The following NFAT5 variants were observed in gnomAD, a reference collection of about 807,000 sequenced individuals.
The protein encoded by NFAT5 is nuclear factor of activated T cells 5, also known as nuclear factor of activated T-cells 5.
In NFAT5, 31 loss-of-function variants were observed where a neutral mutation model predicts 166.5. That is an observed-to-expected ratio of 0.19 (90% CI 0.14 to 0.25). The LOEUF is 0.25. Among genes scored for constraint, NFAT5 ranks in the 10% least tolerant of loss-of-function variants. The pLI is 1.00. For synonymous variants in NFAT5, 612 were observed against 639.7 expected, an observed-to-expected ratio of 0.96 and a Z score of 0.65; for missense variants, 1,449 against 1,821.8, an observed-to-expected ratio of 0.80 and a Z score of 3.72.
In NFAT5 at chr16:69,566,326, C is replaced by T. The variant is rs1025240201; in HGVS notation, c.25C>T (p.Leu9Phe). 1.2e-6 allele frequency: 2 copies of T among 1,608,352 alleles called. No homozygotes were observed. Among genetic ancestry groups the T allele is most frequent in the African/African-American group, 2.7e-5 (2 of 74,740 alleles). ...GATGCCCTCGGACTTCATCTCATTG[C>T]TCAGCGCGGACCTAGACCTGGAATC... MPSDFISL[L>F]SADLDLESPK... The change falls in exon 1 of 15, where the codon CTC (leucine) becomes TTC (phenylalanine). Residue 9 changes from leucine (L) to phenylalanine (F), a missense_variant. Leu to Phe is a conservative substitution (Grantham distance 22). Transcript: ENST00000349945. The surrounding 1 kb of genome is among the most constrained non-coding windows in gnomAD (Gnocchi z 5.7).
chr16:69,655,600 T>G lies in NFAT5; in HGVS notation c.1006-9T>G. On this transcript the variant is annotated splice_polypyrimidine_tract_variant and intron_variant, in intron 5 of 14. Transcript: ENST00000349945. ...ATTAGTGTTTCTGTTGCATGTTTTC[T>G]GGTTTCAGCTGGAAGGCCATAATGA... 1 of 1,548,554 alleles carries G rather than the reference T, an allele frequency of 6.5e-7. No homozygotes were observed. The highest frequency in any genetic ancestry group is 1.3e-5 in the South Asian group (1 of 78,848).
Position 69,701,675 on chromosome 16 carries a change from A to C in NFAT5, c.*5324A>C, listed in dbSNP as rs1227750428. ...CTCATGAGAATTTTAGCATCTGTGAAACTCCATGCACCAGATGTGTGTAAA... is the reference window on the plus strand; with the variant it reads ...CTCATGAGAATTTTAGCATCTGTGACACTCCATGCACCAGATGTGTGTAAA... On this transcript the variant is annotated 3_prime_UTR_variant, in exon 15 of 15. Coordinates refer to ENST00000349945, the MANE Select transcript of NFAT5 (RefSeq NM_138713.4). The C allele has an allele frequency of 1.3e-5, 2 of 152,230 alleles. No individual in the cohort carries two copies. The highest frequency in any genetic ancestry group is 1.3e-4 in the Admixed American group (2 of 15,274). The allele number at this position is 152,230 out of a possible 1,614,324, so 9.4% of individuals were successfully genotyped here. A position where few individuals can be genotyped will look rare whatever the true frequency, so the allele number is the denominator to read the frequency against.
Position 69,704,430 on chromosome 16 carries a change from T to G in NFAT5, c.*8079T>G, listed in dbSNP as rs2037948842. 6.6e-6 allele frequency: 1 copy of G among 152,670 alleles called. No homozygotes were observed. Among genetic ancestry groups the G allele is most frequent in the Non-Finnish European group, 1.5e-5 (1 of 68,046 alleles). 9.5% of individuals were successfully genotyped at this position (152,670 alleles called of 1,614,324 possible). ...CATTGTCCTGCAATGATATAAGGGT[T>G]ACATTTTTGTGTATATGGCTTTCAT... On this transcript the variant is annotated 3_prime_UTR_variant, in exon 15 of 15. Transcript: ENST00000349945.
At chr16:69,606,356 C>T (rs1397458438) in intron 2 of NFAT5, among the ~76,000 whole-genome samples, 5 of 152,166 alleles carry the variant, frequency 3.3e-5, no homozygotes, top group Non-Finnish European at 7.3e-5. Flanking sequence ...TGAGAGTACA[C>T]TAAAGGAGGC....
chr16:69,615,233 G>A (rs1320169652), intron 2 of NFAT5, among the ~76,000 whole-genome samples: 1 of 152,022 alleles, frequency 6.6e-6, no homozygotes, highest in Non-Finnish European at 1.5e-5. Context: ...TAGAGACGAC[G>A]TTTTGCCATG....
At chr16:69,646,684 C>A in intron 3 of NFAT5, 1 of 281,146 alleles carries the variant, frequency 3.6e-6, no homozygotes, top group South Asian at 5.1e-5. Context: ...GCATATATTT[C>A]ATATTGGGGT....
At chr16:69,671,088 T>G (rs1351066288) in intron 9 of NFAT5, among the ~76,000 whole-genome samples, 2 of 152,200 alleles carry the variant, frequency 1.3e-5, no homozygotes, top group Admixed American at 6.5e-5. Context: ...GTTTTAAAAT[T>G]TATTTTTTAT....
chr16:69,603,407 C>T (rs1413731634), intron 2 of NFAT5, among the ~76,000 whole-genome samples: 2 of 152,056 alleles, frequency 1.3e-5, no homozygotes, highest in African/African-American at 4.8e-5. Flanking sequence ...ATATTTATGG[C>T]AGCCCTCTAA....
At chr16:69,651,193 C>A (rs2035651034) in intron 4 of NFAT5, among the ~76,000 whole-genome samples, 1 of 152,192 alleles carries the variant, frequency 6.6e-6, no homozygotes, top group African/African-American at 2.4e-5. Context: ...TCTTTGCCTT[C>A]ATCAACAAAC....
At chr16:69,656,579 A>G (rs549956084) in intron 6 of NFAT5, among the ~76,000 whole-genome samples, 10 of 151,988 alleles carry the variant, frequency 6.6e-5, no homozygotes, top group East Asian at 1.9e-4. Flanking sequence ...CAGCCTCCCA[A>G]GTAGCTGAGA....
intron 2 of NFAT5, among the ~76,000 whole-genome samples, chr16:69,613,797 T>G (rs931500261): frequency 2.6e-5 from 4 of 152,240 alleles, no homozygotes; most frequent in Non-Finnish European, 4.4e-5. Context: ...ATCTCTAGAC[T>G]GTGAACTGCT....
In NFAT5 at chr16:69,692,202, A is replaced by G; in HGVS notation, c.2377A>G (p.Ile793Val). The G allele has an allele frequency of 6.2e-7, 1 of 1,614,232 alleles. No homozygotes were observed. Among genetic ancestry groups the G allele is most frequent in the East Asian group, 2.2e-5 (1 of 44,890 alleles). The change falls in exon 13 of 15, where the codon ATT (isoleucine) becomes GTT (valine). Residue 793 changes from isoleucine to valine, a missense_variant. Transcript: ENST00000349945. ...PNSVSQLQNT[I>V]QQLQAGSFTG... ...TAGTGTGAGTCAGCTTCAGAATACT[A>G]TTCAGCAGCTGCAAGCAGGGAGTTT...
At chr16:69,694,406 A>C (rs893981598) in intron 13 of NFAT5, among the ~76,000 whole-genome samples, 167 bp downstream of exon 13, 1 of 152,072 alleles carries the variant, frequency 6.6e-6, no homozygotes, top group Non-Finnish European at 1.5e-5. Context: ...AGGTGTGCAC[A>C]ACCACGCCCA....
At chr16:69,610,109 A>G (rs1038940221) in intron 2 of NFAT5, among the ~76,000 whole-genome samples, 6 of 152,164 alleles carry the variant, frequency 3.9e-5, no homozygotes, top group Non-Finnish European at 8.8e-5. Flanking sequence ...AAAGAAAACT[A>G]ACTTTTTAAG....
At chr16:69,622,849 A>G (rs1303510123) in intron 2 of NFAT5, among the ~76,000 whole-genome samples, 1 of 151,876 alleles carries the variant, frequency 6.6e-6, no homozygotes, top group African/African-American at 2.4e-5. Flanking sequence ...AAAAAAAAGA[A>G]AAAAATAGAC....
intron 2 of NFAT5, among the ~76,000 whole-genome samples, chr16:69,614,177 A>G (rs1289699951): frequency 2.0e-5 from 3 of 149,000 alleles, no homozygotes; most frequent in Admixed American, 2.0e-4. Context: ...TTCTTTTGAG[A>G]CAAGGTCTTG....
chr16:69,616,800 C>G (rs2033966324), intron 2 of NFAT5, among the ~76,000 whole-genome samples: 1 of 152,018 alleles, frequency 6.6e-6, no homozygotes. Flanking sequence ...TTTATGTCCT[C>G]CTCACCCTGC....
At chr16:69,664,811 TGAG>T (rs1389641880) in intron 7 of NFAT5, among the ~76,000 whole-genome samples, 1 of 152,054 alleles carries the variant, frequency 6.6e-6, no homozygotes, top group African/African-American at 2.4e-5. Flanking sequence ...GCCCATTACC[TGAG>T]GTCAGGAGAT....
At chr16:69,656,398 A>G (rs1388822412) in intron 6 of NFAT5, among the ~76,000 whole-genome samples, 1 of 152,062 alleles carries the variant, frequency 6.6e-6, no homozygotes, top group Non-Finnish European at 1.5e-5. Flanking sequence ...TGAAAATAAA[A>G]ACTTCAATTT....
Sources: allele counts gnomAD v4.1 joint callset (sites outside exome capture counted in the v4.1 genomes callset), GRCh38; gene constraint gnomAD v4.1.1; non-coding constraint Gnocchi (gnomAD v3.1); transcripts MANE v1.5; gene names NCBI Gene and HGNC (gene_info 2026-07-23, HGNC 2026-07-21).